HSPA8: variants seen among roughly 807,000 people sequenced by gnomAD.
HSPA8 encodes heat shock cognate 71 kDa protein.
Under a neutral mutation model 52.8 loss-of-function variants are expected in HSPA8, and 2 were observed. The observed-to-expected ratio is 0.04, with a 90% confidence interval of 0.02 to 0.12. The LOEUF (loss-of-function observed/expected upper bound fraction) is 0.12, where lower values mean the gene tolerates loss of function less well. Among genes scored for constraint, HSPA8 ranks in the 10% least tolerant of loss-of-function variants. The pLI is 1.00. For synonymous variants in HSPA8, 436 were observed against 274.0 expected (o/e 1.59, Z -5.84); for missense variants, 349 against 800.5 (o/e 0.44, Z 6.81).
intron 6 of HSPA8, 28 bp downstream of exon 6, chr11:123,059,031 G>A (rs1865409813): frequency 6.3e-7 from 1 of 1,584,862 alleles, no homozygotes; most frequent in Admixed American, 1.7e-5. Flanking sequence ...TTATCAGTAA[G>A]CCAAACAAGA....
At chr11:123,061,782 G>C (rs904158957) in intron 1 of HSPA8, 1 of 165,434 alleles carries the variant, frequency 6.0e-6, no homozygotes, top group African/African-American at 2.4e-5. Flanking sequence ...CCGCGCGCCA[G>C]GCAAACCGAT....
Position 123,061,104 on chromosome 11 carries a change from A to G in HSPA8, c.205+16T>C. On this transcript the variant is annotated intron_variant, in intron 2 of 8. Transcript: ENST00000534624. ...CCCTGTTATATTTGTTCTGTCATTT[A>G]AAATTAGGAACTCACCAAAAACTGT... The G allele has an allele frequency of 1.2e-6, 2 of 1,605,496 alleles. No individual in the cohort carries two copies. Among genetic ancestry groups the G allele is most frequent in the South Asian group, 2.2e-5 (2 of 90,894 alleles).
chr11:123,057,998 T>C lies in HSPA8; in HGVS notation c.1756-79A>G, dbSNP rs79688008. On this transcript the variant is annotated intron_variant, in intron 8 of 8. Transcript: ENST00000534624. Reference sequence around the variant, plus strand: ...CTTTCTCCCTGACGCAATCTGATACTAAAAGTCTGGCGCAAACTCTTACAA... The same window carrying C: ...CTTTCTCCCTGACGCAATCTGATACCAAAAGTCTGGCGCAAACTCTTACAA... 2.6e-3 allele frequency: 3,102 copies of C among 1,206,052 alleles called. 47 individuals are homozygous for C. In the African/African-American group the frequency reaches 0.04, roughly 15 times the overall value. The allele number at this position is 1,206,052 out of a possible 1,614,324, so 74.7% of individuals were successfully genotyped here. A position where few individuals can be genotyped will look rare whatever the true frequency, so the allele number is the denominator to read the frequency against.
intron 4 of HSPA8, 38 bp from the exon 5 acceptor site, chr11:123,060,066 A>G (rs1169948007): frequency 6.2e-7 from 1 of 1,614,076 alleles, no homozygotes; most frequent in Non-Finnish European, 8.5e-7. Context: ...TTTACGATGG[A>G]TCAAATTAAT....
chr11:123,061,486 T>C (rs1206662758), intron 1 of HSPA8, 157 bp from the exon 2 acceptor site: 8 of 637,580 alleles, frequency 1.3e-5, no homozygotes, highest in Non-Finnish European at 2.2e-5. Context: ...CCAGAACTAG[T>C]GCTGCAGTCC....
rs762772078 is a variant in HSPA8, at chr11:123,059,876, G to A, written c.717C>T (p.Asn239=). The change falls in exon 5 of 9, where the codon AAC becomes AAT. Residue 239 remains asparagine (N), a synonymous_variant. Coordinates refer to ENST00000534624, the MANE Select transcript of HSPA8 (RefSeq NM_006597.6). The part of the protein sequence containing the change: ...GGEDFDNRMV[N]HFIAEFKRKH... ...TGCGCTTAAACTCAGCAATAAAATG[G>A]TTGACCATTCGGTTGTCAAAATCTT... The A allele has an allele frequency of 4.3e-6, 7 of 1,613,214 alleles. No individual in the cohort carries two copies. Among genetic ancestry groups the A allele is most frequent in the Admixed American group, 3.3e-5 (2 of 59,944 alleles).
At chr11:123,058,218 TGG>T in intron 8 of HSPA8, 32 bp downstream of exon 8, 1 of 1,168,278 alleles carries the variant, frequency 8.6e-7, no homozygotes, top group Non-Finnish European at 1.2e-6. Context: ...CTCCATTGAG[TGG>T]GGGAGGAAAA....
At chr11:123,059,289 G>C in intron 5 of HSPA8, 28 bp from the exon 6 acceptor site, 1 of 1,584,496 alleles carries the variant, frequency 6.3e-7, no homozygotes, top group Non-Finnish European at 8.6e-7. Flanking sequence ...AACGTTAAAA[G>C]AAGTTAAAAG....
At chr11:123,058,220 G>C (rs764501480) in intron 8 of HSPA8, 32 bp downstream of exon 8, 8 of 1,231,456 alleles carry the variant, frequency 6.5e-6, no homozygotes, top group Non-Finnish European at 9.2e-6. Flanking sequence ...CCATTGAGTG[G>C]GGGAGGAAAA....
chr11:123,060,514 G>T, intron 3 of HSPA8, 79 bp downstream of exon 3: 6 of 1,125,416 alleles, frequency 5.3e-6, no homozygotes, highest in Non-Finnish European at 8.0e-6. Flanking sequence ...CCCCTCCCTC[G>T]CCAGGTGCCA....
chr11:123,059,463 C>A lies in HSPA8; in HGVS notation c.1120+10G>T, dbSNP rs1292735159. 3 of 1,606,516 alleles carry A rather than the reference C, an allele frequency of 1.9e-6. No homozygotes were observed. The highest frequency in any genetic ancestry group is 2.6e-6 in the Non-Finnish European group (3 of 1,175,466). ...CCTGCCTTTAGGGTTAATTGAGATA[C>A]CATTGTTACCTGCACCATAAGCAAC... On this transcript the variant is annotated intron_variant, in intron 5 of 8. Coordinates refer to ENST00000534624, the MANE Select transcript of HSPA8 (RefSeq NM_006597.6).
upstream of HSPA8, chr11:123,062,345 A>T (rs1260135518): frequency 1.3e-5 from 2 of 152,044 alleles, no homozygotes; most frequent in Admixed American, 6.6e-5. Flanking sequence ...TAACGCACTC[A>T]CCGCAGCGTT....
intron 2 of HSPA8, 104 bp downstream of exon 2, chr11:123,061,016 G>T: frequency 9.7e-7 from 1 of 1,026,864 alleles, no homozygotes; most frequent in South Asian, 1.4e-5. Context: ...AAGTCTCTCA[G>T]CTCAGTTTTT....
In HSPA8 at chr11:123,057,976, T is replaced by C. The variant is rs538599084; in HGVS notation, c.1756-57A>G. ...TCTTTTAATGTTAATAACCCTTCTTTCTCCCTGACGCAATCTGATACTAAA... is the reference window on the plus strand; with the variant it reads ...TCTTTTAATGTTAATAACCCTTCTTCCTCCCTGACGCAATCTGATACTAAA... On this transcript the variant is annotated intron_variant, in intron 8 of 8. Coordinates refer to ENST00000534624, the MANE Select transcript of HSPA8 (RefSeq NM_006597.6). The C allele has an allele frequency of 7.1e-5, 96 of 1,359,154 alleles. No individual in the cohort carries two copies. The African/African-American group carries it at 1.3e-3, about 18-fold the overall frequency. 84.2% of individuals were successfully genotyped at this position (1,359,154 alleles called of 1,614,324 possible).
rs770224594 is a variant in HSPA8 at position 123,059,615 on chromosome 11, T to C, written c.978A>G (p.Leu326=). ...PVEKALRDAK[L]DKSQIHDIVL... Reference sequence around the variant, plus strand: ...CAATATCATGAATCTGTGACTTGTCTAGTTTGGCATCTCGAAGGGCTTTCT... The same window carrying C: ...CAATATCATGAATCTGTGACTTGTCCAGTTTGGCATCTCGAAGGGCTTTCT... The change falls in exon 5 of 9, where the codon CTA becomes CTG. Residue 326 remains leucine, a synonymous_variant. Transcript: ENST00000534624. The C allele has an allele frequency of 1.1e-5, 18 of 1,614,066 alleles. No individual in the cohort carries two copies. The highest frequency in any genetic ancestry group is 1.5e-5 in the Non-Finnish European group (18 of 1,180,036).
At position 123,060,113 on chromosome 11, in the gene HSPA8, T is replaced by C. The variant is rs1240848029; in HGVS notation, c.564+3A>G. ...CCGAACTTGCATCACAAATGGTACA[T>C]ACCTTTTTGTCTAAGCCGTAAGCAA... is the stretch of plus-strand genomic sequence containing the variant. On this transcript the variant is annotated splice_donor_region_variant and intron_variant, in intron 4 of 8. Transcript: ENST00000534624. The C allele has an allele frequency of 5.0e-6, 8 of 1,613,986 alleles. No homozygotes were observed. Among genetic ancestry groups the C allele is most frequent in the South Asian group, 1.1e-5 (1 of 91,076 alleles).
chr11:123,060,868 A>C (rs1272369988), intron 2 of HSPA8, 70 bp from the exon 3 acceptor site: 17 of 1,381,812 alleles, frequency 1.2e-5, no homozygotes, highest in Non-Finnish European at 1.6e-5. Flanking sequence ...GTCCATGATT[A>C]CTCAAATACC....
Position 123,060,265 on chromosome 11 carries a change from C to T in HSPA8, c.415G>A (p.Val139Ile). The change falls in exon 4 of 9, where the codon GTT (valine) becomes ATT (isoleucine). Residue 139 changes from valine (V) to isoleucine (I), a missense_variant. By Grantham distance (29) the Val-to-Ile change is conservative. Coordinates refer to ENST00000534624, the MANE Select transcript of HSPA8 (RefSeq NM_006597.6). ...EIAEAYLGKT[V>I]TNAVVTVPAY... ...GGCACTGTGACCACAGCATTGGTAA[C>T]AGTCTAGGAATAAGGAAAAGACCAC... is the stretch of plus-strand genomic sequence containing the variant. 6.2e-7 allele frequency: 1 copy of T among 1,613,218 alleles called. No homozygotes were observed. The highest frequency in any genetic ancestry group is 8.5e-7 in the Non-Finnish European group (1 of 1,179,852).
chr11:123,059,377 C>T, intron 5 of HSPA8, 96 bp downstream of exon 5: 2 of 1,398,036 alleles, frequency 1.4e-6, no homozygotes, highest in Non-Finnish European at 1.0e-6. Context: ...ATTAGCCAAG[C>T]TTTTGGTGGA....
Sources: gnomAD v4.1 joint callset for allele counts on GRCh38, gnomAD v4.1.1 for gene constraint, MANE v1.5 for transcripts, NCBI Gene and HGNC (gene_info 2026-07-23, HGNC 2026-07-21) for gene names.